TCOF1: variants seen among roughly 807,000 people sequenced by gnomAD.
The protein encoded by TCOF1 is treacle ribosome biogenesis factor 1.
TCOF1 carries 33 observed loss-of-function variants against 149.0 expected under a neutral mutation model. The observed-to-expected ratio is 0.22, with a 90% CI of 0.17 to 0.30. The LOEUF is 0.30. TCOF1 is among the 10% of genes least tolerant of loss of function. The probability of loss-of-function intolerance (pLI) is 1.00; values close to 1 mark genes in which losing one functional copy is unlikely to be tolerated. For synonymous variants in TCOF1, 789 were observed against 738.8 expected, an observed-to-expected ratio of 1.07 and a Z score of -1.10; for missense variants, 1,728 against 1,840.7, an observed-to-expected ratio of 0.94 and a Z score of 1.12.
chr5:150,380,502 T>C (rs1452300045), intron 17 of TCOF1: 1 of 152,738 alleles, frequency 6.5e-6, no homozygotes, highest in Admixed American at 6.5e-5. Context: ...GAGCCTCACA[T>C]AGGCAGGCGC....
chr5:150,391,329 G>A (rs1767401711), intron 19 of TCOF1, among the ~76,000 whole-genome samples: 1 of 152,200 alleles, frequency 6.6e-6, no homozygotes, highest in Non-Finnish European at 1.5e-5. Flanking sequence ...TGGGGCCTAA[G>A]CTGCTTCCCT....
At chr5:150,393,869 G>A (rs577046725) in intron 23 of TCOF1, 321 of 384,536 alleles carry the variant, frequency 8.3e-4, no homozygotes, top group Non-Finnish European at 1.4e-3. Flanking sequence ...TTAATTAGCC[G>A]GTGTGATGGT....
intron 17 of TCOF1, chr5:150,380,134 A>G (rs1764802980): frequency 8.0e-6 from 2 of 249,288 alleles, no homozygotes; most frequent in Non-Finnish European, 1.6e-5. Flanking sequence ...GGTAAGGAAA[A>G]GAAAGGAAGG....
At chr5:150,395,988 G>T (rs1330457812) in intron 23 of TCOF1, among the ~76,000 whole-genome samples, 1 of 152,076 alleles carries the variant, frequency 6.6e-6, no homozygotes, top group East Asian at 1.9e-4. Context: ...TAGATTTCAG[G>T]CCCTTTCATT....
In TCOF1 at chr5:150,372,044, A is replaced by G; in HGVS notation, c.678A>G (p.Ser226=). The part of the protein sequence containing the change: ...PSVKPAQVKA[S]SVSTKESPAR... ...TAAAACCAGCCCAGGTCAAAGCCTC[A>G]TCAGTTTCTACTAAGGAGTCTCCAG... Residue 226 remains serine, a synonymous_variant, in exon 7 of 27, where the codon TCA becomes TCG. Coordinates refer to ENST00000643257, the MANE Select transcript of TCOF1 (RefSeq NM_001371623.1). 6.2e-7 allele frequency: 1 copy of G among 1,613,960 alleles called. No individual in the cohort carries two copies. Among genetic ancestry groups the G allele is most frequent in the Non-Finnish European group, 8.5e-7 (1 of 1,179,816 alleles).
intron 21 of TCOF1, chr5:150,392,477 C>T (rs1003938734): frequency 3.3e-6 from 2 of 611,682 alleles, no homozygotes; most frequent in African/African-American, 3.7e-5. Context: ...GAAATGGGGC[C>T]TCAGGAATTA....
intron 22 of TCOF1, 138 bp from the exon 23 acceptor site, chr5:150,393,234 G>A (rs1260847476): frequency 9.9e-7 from 1 of 1,009,000 alleles, no homozygotes; most frequent in Non-Finnish European, 1.5e-6. Flanking sequence ...GTGCCTTGTT[G>A]TCCACCCACT....
At position 150,387,928 on chromosome 5, in the gene TCOF1, C is replaced by T. The variant is rs753914114; in HGVS notation, c.2886C>T (p.Val962=). Residue 962 remains valine, a synonymous_variant, in exon 18 of 27, where the codon GTC becomes GTT. Coordinates refer to ENST00000643257, the MANE Select transcript of TCOF1 (RefSeq NM_001371623.1). ...TGATTAAACCCCCTCTGATTTTTGT[C>T]GACCCTAATCGTAGTCCAGCTGGCC... is the stretch of plus-strand genomic sequence containing the variant. ...AQVIKPPLIF[V]DPNRSPAGPA... 3 of 1,613,860 alleles carry T rather than the reference C, an allele frequency of 1.9e-6. No homozygotes were observed. Among genetic ancestry groups the T allele is most frequent in the Admixed American group, 1.7e-5 (1 of 60,016 alleles).
rs587776582 is a variant in TCOF1 at position 150,398,372 on chromosome 5, AAAAAG to A, written c.4372_4376del (p.Lys1458GlufsTer12). The A allele has an allele frequency of 1.9e-6, 3 of 1,613,762 alleles. No homozygotes were observed. The highest frequency in any genetic ancestry group is 1.3e-5 in the African/African-American group (1 of 74,930). On this transcript the variant is annotated frameshift_variant, in exon 25 of 27. Coordinates refer to ENST00000643257, the MANE Select transcript of TCOF1 (RefSeq NM_001371623.1). LOFTEE classifies it high-confidence loss of function. ...CCCTTAGGAAAAAAAGACAAAGAAA[AAAAAG>A]AAAAGAAGAAGAAAGCAAAAAAGGC...
intron 19 of TCOF1, 77 bp from the exon 20 acceptor site, chr5:150,391,467 C>A (rs752024708): frequency 2.3e-6 from 3 of 1,289,518 alleles, no homozygotes; most frequent in African/African-American, 1.5e-5. Context: ...CCCAGCCAGA[C>A]AGCATCTGAC....
At chr5:150,390,588 C>T (rs997020761) in intron 19 of TCOF1, among the ~76,000 whole-genome samples, 19 of 151,764 alleles carry the variant, frequency 1.3e-4, no homozygotes, top group African/African-American at 4.1e-4. Flanking sequence ...TGGGCCATAT[C>T]AGTCTGGTTT....
chr5:150,359,549 C>A (rs1405949939), intron 1 of TCOF1, among the ~76,000 whole-genome samples: 3 of 152,062 alleles, frequency 2.0e-5, no homozygotes, highest in Non-Finnish European at 4.4e-5. Flanking sequence ...GTGGTGTAGG[C>A]TCTGCTCCTA....
At position 150,375,166 on chromosome 5, in the gene TCOF1, G is replaced by A. The variant is rs370220288; in HGVS notation, c.1488+3G>A. 1.4e-5 allele frequency: 22 copies of A among 1,613,434 alleles called. No individual in the cohort carries two copies. The highest frequency in any genetic ancestry group is 1.8e-5 in the Non-Finnish European group (21 of 1,179,704). On this transcript the variant is annotated splice_donor_region_variant and intron_variant, in intron 10 of 26. Transcript: ENST00000643257. ...TGGCAGCCATGAATGCAGCTCAGGT[G>A]AGGCTGGAAGCCGCCCTGCATGGCC...
chr5:150,365,608 G>A (rs767996061), intron 3 of TCOF1, among the ~76,000 whole-genome samples: 20 of 152,008 alleles, frequency 1.3e-4, no homozygotes, highest in Non-Finnish European at 2.6e-4. Context: ...CATGCTATTT[G>A]AAACACAAAT....
intron 17 of TCOF1, among the ~76,000 whole-genome samples, chr5:150,386,116 A>G (rs1011676440): frequency 6.6e-6 from 1 of 151,896 alleles, no homozygotes; most frequent in African/African-American, 2.4e-5. Flanking sequence ...ACCTTTATGA[A>G]CTCTACAGGC....
rs1764524559 is a variant in TCOF1 at position 150,379,390 on chromosome 5, G to A, written c.2640G>A (p.Glu880=). 6.2e-7 allele frequency: 1 copy of A among 1,614,144 alleles called. No individual in the cohort carries two copies. Residue 880 remains glutamate (E), a synonymous_variant, in exon 16 of 27, where the codon GAG becomes GAA. Coordinates refer to ENST00000643257, the MANE Select transcript of TCOF1 (RefSeq NM_001371623.1). ...AGGAGGAGTCAGACAGTGAGGAGGA[G>A]GCGGAGACGCTGGCTCAGGTGAGGG... is the stretch of plus-strand genomic sequence containing the variant. ...SSEEESDSEE[E]AETLAQVKPS...
intron 21 of TCOF1, 53 bp from the exon 22 acceptor site, chr5:150,392,652 C>G: frequency 6.3e-7 from 1 of 1,596,562 alleles, no homozygotes. Context: ...CTCTGCCCTT[C>G]CCGGCTGGCA....
chr5:150,368,069 C>T (rs1761737420), intron 4 of TCOF1, 152 bp downstream of exon 4: 2 of 771,612 alleles, frequency 2.6e-6, no homozygotes, highest in South Asian at 3.4e-5. Context: ...GATCTTAGTC[C>T]CTTCACCTCT....
intron 7 of TCOF1, 73 bp from the exon 8 acceptor site, chr5:150,374,101 G>A: frequency 6.6e-7 from 1 of 1,513,286 alleles, no homozygotes; most frequent in Non-Finnish European, 9.0e-7. Flanking sequence ...TAAGGCCTCT[G>A]GACTTTATCC....
Sources: gnomAD v4.1 joint callset for allele counts (sites outside exome capture counted in the v4.1 genomes callset) on GRCh38, gnomAD v4.1.1 for gene constraint, MANE v1.5 for transcripts, NCBI Gene and HGNC (gene_info 2026-07-23, HGNC 2026-07-21) for gene names.